The following SEC22A variants were observed in gnomAD, a reference collection of about 807,000 sequenced individuals.
SEC22A encodes SEC22 homolog A, vesicle trafficking protein.
SEC22A carries 22 observed loss-of-function variants against 35.3 expected under a neutral mutation model. The observed-to-expected ratio is 0.62, with a 90% CI of 0.45 to 0.89. The LOEUF (loss-of-function observed/expected upper bound fraction) is 0.89. SEC22A is among the 40% of genes least tolerant of loss of function. SEC22A has a pLI of 0.00. For missense variants in SEC22A, 354 were observed against 362.5 expected (o/e 0.98, Z 0.19); for synonymous variants, 119 against 129.5 (o/e 0.92, Z 0.55).
intron 2 of SEC22A, among the ~76,000 whole-genome samples, chr3:123,217,782 T>C (rs972508610): frequency 9.2e-5 from 14 of 152,360 alleles, no homozygotes; most frequent in Non-Finnish European, 1.2e-4. Flanking sequence ...ATTTTATGTA[T>C]ATATCTTGGT....
At chr3:123,257,077 A>C (rs923040547) in intron 5 of SEC22A, among the ~76,000 whole-genome samples, 4 of 151,934 alleles carry the variant, frequency 2.6e-5, no homozygotes, top group Non-Finnish European at 5.9e-5. Flanking sequence ...TCTTTTCTGT[A>C]CTAGGGATAG....
In SEC22A at chr3:123,223,685, A is replaced by C. The variant is rs1937170787; in HGVS notation, c.309A>C (p.Thr103=). 6.2e-7 allele frequency: 1 copy of C among 1,613,566 alleles called. No homozygotes were observed. Among genetic ancestry groups the C allele is most frequent in the South Asian group, 1.1e-5 (1 of 91,066 alleles). Residue 103 remains threonine, a synonymous_variant, in exon 3 of 7, where the codon ACA becomes ACC. Coordinates refer to ENST00000492595, the MANE Select transcript of SEC22A (RefSeq NM_012430.5). ...EFITTYNMMK[T]NTAVRPYCFI... Reference sequence around the variant, plus strand: ...TTACTACTTATAACATGATGAAGACAAATACTGCTGTCAGACCATACTGTT... The same window carrying C: ...TTACTACTTATAACATGATGAAGACCAATACTGCTGTCAGACCATACTGTT...
chr3:123,213,020 T>C (rs141178722), intron 2 of SEC22A, among the ~76,000 whole-genome samples: 2 of 152,286 alleles, frequency 1.3e-5, no homozygotes, highest in African/African-American at 4.8e-5. Flanking sequence ...TATGAGAGTT[T>C]AGGAGTGGGA....
intron 6 of SEC22A, among the ~76,000 whole-genome samples, chr3:123,262,528 A>G (rs1393048938): frequency 1.3e-5 from 2 of 152,192 alleles, no homozygotes; most frequent in African/African-American, 4.8e-5. Context: ...AGTAGAAACT[A>G]TGTTTCAGGT....
chr3:123,266,948 A>G (rs1938040207), intron 6 of SEC22A, among the ~76,000 whole-genome samples: 2 of 152,258 alleles, frequency 1.3e-5, no homozygotes, highest in South Asian at 4.1e-4. Context: ...GTTCATACAC[A>G]TTTAGGATTG....
chr3:123,263,072 T>C (rs1232250941), intron 6 of SEC22A, among the ~76,000 whole-genome samples: 5 of 152,246 alleles, frequency 3.3e-5, no homozygotes, highest in Non-Finnish European at 7.3e-5. Flanking sequence ...TTCCTTAATC[T>C]AACCGCTCCT....
At chr3:123,248,159 A>T (rs1576498523) in intron 5 of SEC22A, among the ~76,000 whole-genome samples, 1 of 152,226 alleles carries the variant, frequency 6.6e-6, no homozygotes, top group South Asian at 2.1e-4. Context: ...CAGGGCAAGG[A>T]TGTCCCCACT....
At position 123,259,840 on chromosome 3, in the gene SEC22A, G is replaced by A. The variant is rs961374504; in HGVS notation, c.723+251G>A. The stretch of plus-strand genomic sequence containing the variant: ...TATGTCATCTGCCTATGGTAGTAAA[G>A]ACTACTTCTAGGCTGGGTGTGGTGG... On this transcript the variant is annotated intron_variant, in intron 6 of 6. Transcript: ENST00000492595. Among the ~76,000 whole-genome samples, 16 of 152,052 alleles carry A rather than the reference G, an allele frequency of 1.1e-4. 1 individual carries two copies. The highest frequency in any genetic ancestry group is 9.2e-4 in the Admixed American group (14 of 15,260).
intron 6 of SEC22A, among the ~76,000 whole-genome samples, chr3:123,260,855 T>G (rs1373642198): frequency 3.7e-5 from 5 of 136,934 alleles, no homozygotes; most frequent in African/African-American, 1.3e-4. Flanking sequence ...TTTTTTTTTT[T>G]GACGGAGTCT....
intron 5 of SEC22A, 116 bp from the exon 6 acceptor site, chr3:123,259,408 C>G (rs543648378): frequency 4.3e-6 from 3 of 695,596 alleles, no homozygotes; most frequent in Non-Finnish European, 7.7e-6. Flanking sequence ...TTTCTATATA[C>G]CAGTGTGTGA....
At chr3:123,233,795 A>G (rs1937366146) in intron 4 of SEC22A, among the ~76,000 whole-genome samples, 1 of 152,244 alleles carries the variant, frequency 6.6e-6, no homozygotes, top group African/African-American at 2.4e-5. Flanking sequence ...GACAAGACAA[A>G]GATGTCTGCT....
chr3:123,232,319 A>G (rs1012304261), intron 4 of SEC22A, among the ~76,000 whole-genome samples: 2 of 152,222 alleles, frequency 1.3e-5, no homozygotes, highest in African/African-American at 2.4e-5. Flanking sequence ...ACTATAAACA[A>G]CTGTCTCCCA....
At chr3:123,267,103 T>G (rs1357815374) in intron 6 of SEC22A, among the ~76,000 whole-genome samples, 1 of 152,142 alleles carries the variant, frequency 6.6e-6, no homozygotes, top group Non-Finnish European at 1.5e-5. Context: ...GTTTATGTGA[T>G]AAATCCTTTT....
chr3:123,259,930 C>G (rs944941665), intron 6 of SEC22A, among the ~76,000 whole-genome samples: 1 of 151,848 alleles, frequency 6.6e-6, no homozygotes, highest in Non-Finnish European at 1.5e-5. Flanking sequence ...GTCAGGAGTT[C>G]AAGGCCAGCT....
chr3:123,245,466 CAG>C (rs1937558306), intron 4 of SEC22A, among the ~76,000 whole-genome samples: 1 of 152,046 alleles, frequency 6.6e-6, no homozygotes, highest in African/African-American at 2.4e-5. Context: ...AGGCCAAGGT[CAG>C]AGGATCACTT....
rs1390746334 is a variant in SEC22A, at chr3:123,272,505, T to C, written c.*783T>C. On this transcript the variant is annotated 3_prime_UTR_variant, in exon 7 of 7. Coordinates refer to ENST00000492595, the MANE Select transcript of SEC22A (RefSeq NM_012430.5). ...TTATCTTTTAAATTTTAAAGTTTTT[T>C]TAAAAAAATGAATCCTGCTCCAAGT... 2.6e-5 allele frequency: 4 copies of C among 152,224 alleles called. No homozygotes were observed. Among genetic ancestry groups the C allele is most frequent in the Admixed American group, 2.6e-4 (4 of 15,280 alleles). 9.4% of individuals were successfully genotyped at this position (152,224 alleles called of 1,614,324 possible).
At chr3:123,237,997 T>C (rs1937450050) in intron 4 of SEC22A, among the ~76,000 whole-genome samples, 1 of 151,726 alleles carries the variant, frequency 6.6e-6, no homozygotes, top group Admixed American at 6.6e-5. Flanking sequence ...ACAAAAAAAA[T>C]TAAAAGATTA....
chr3:123,239,781 C>T (rs1937493156), intron 4 of SEC22A, among the ~76,000 whole-genome samples: 1 of 152,052 alleles, frequency 6.6e-6, no homozygotes, highest in Non-Finnish European at 1.5e-5. Context: ...TGTAGGTTGC[C>T]TGTTCACTCT....
At chr3:123,252,497 G>A (rs1053284106) in intron 5 of SEC22A, among the ~76,000 whole-genome samples, 1 of 152,110 alleles carries the variant, frequency 6.6e-6, no homozygotes, top group South Asian at 2.1e-4. Flanking sequence ...AAGAGCAAAG[G>A]ACTTATTTGG....
Sources: gnomAD v4.1 joint callset for allele counts (sites outside exome capture counted in the v4.1 genomes callset) on GRCh38, gnomAD v4.1.1 for gene constraint, MANE v1.5 for transcripts, NCBI Gene and HGNC (gene_info 2026-07-23, HGNC 2026-07-21) for gene names.